Variants in HMGXB4 observed in about 807,000 individuals in gnomAD.
The protein encoded by HMGXB4 is HMG-box containing 4, also known as HMG domain-containing protein 4.
Under a neutral mutation model 63.9 loss-of-function variants are expected in HMGXB4, and 27 were observed. The observed-to-expected ratio is 0.42, with a 90% confidence interval of 0.31 to 0.58. HMGXB4 has a LOEUF of 0.58. HMGXB4 is among the 20% of genes least tolerant of loss of function. HMGXB4 has a pLI of 0.13. For missense variants in HMGXB4, 624 were observed against 700.7 expected (o/e 0.89, Z 1.24); for synonymous variants, 264 against 265.3 (o/e 0.99, Z 0.05).
At chr22:35,264,464 ACT>A (rs1364089616) in intron 4 of HMGXB4, among the ~76,000 whole-genome samples, 182 bp from the exon 5 acceptor site, 4 of 152,072 alleles carry the variant, frequency 2.6e-5, no homozygotes, top group Non-Finnish European at 5.9e-5. Flanking sequence ...TCAGAGGCAG[ACT>A]CTACCAAGCC....
At chr22:35,279,861 C>T (rs557454885) in intron 5 of HMGXB4, among the ~76,000 whole-genome samples, 16 of 152,068 alleles carry the variant, frequency 1.1e-4, no homozygotes, top group African/African-American at 3.4e-4. Flanking sequence ...TGTATTCTTT[C>T]GCTAATGCCA....
chr22:35,286,646 C>G (rs1007611086), intron 7 of HMGXB4, among the ~76,000 whole-genome samples: 4 of 151,978 alleles, frequency 2.6e-5, no homozygotes, highest in African/African-American at 9.7e-5. Flanking sequence ...GTCAGGAGTT[C>G]GAGACAAGCC....
chr22:35,287,060 G>T, intron 7 of HMGXB4: 1 of 313,888 alleles, frequency 3.2e-6, no homozygotes, highest in Non-Finnish European at 6.1e-6. Flanking sequence ...TATTGAGCCA[G>T]AGGTTTAATC....
chr22:35,245,728 A>G, the HMGXB4 span, among the ~76,000 whole-genome samples: 325 of 152,270 alleles, frequency 2.1e-3, 1 homozygote, highest in Non-Finnish European at 3.4e-3. Context: ...TTGCCGCCTC[A>G]TTACTGCTAG....
At chr22:35,263,708 C>A (rs1250888421) in intron 3 of HMGXB4, 88 bp from the exon 4 acceptor site, 2 of 913,064 alleles carry the variant, frequency 2.2e-6, no homozygotes, top group East Asian at 2.5e-5. Context: ...CTTTGTTTCC[C>A]AAAATCAAAA....
chr22:35,277,322 G>A (rs1923971148), intron 5 of HMGXB4, among the ~76,000 whole-genome samples: 2 of 152,118 alleles, frequency 1.3e-5, no homozygotes, highest in South Asian at 2.1e-4. Context: ...ATGTTGGTTC[G>A]ATGCAAGGGT....
intron 5 of HMGXB4, among the ~76,000 whole-genome samples, chr22:35,271,580 A>G (rs1923606858): frequency 6.6e-6 from 1 of 152,088 alleles, no homozygotes; most frequent in African/African-American, 2.4e-5. Context: ...TTACAGAACA[A>G]CTCCATCTCT....
chr22:35,243,086 T>C, the HMGXB4 span, among the ~76,000 whole-genome samples: 1 of 152,158 alleles, frequency 6.6e-6, no homozygotes, highest in Non-Finnish European at 1.5e-5. Flanking sequence ...AAAGAATGTA[T>C]GGGGCCAGGC....
intron 1 of HMGXB4, among the ~76,000 whole-genome samples, chr22:35,259,351 A>T (rs1922689454): frequency 6.6e-6 from 1 of 152,228 alleles, no homozygotes. Flanking sequence ...AAACTCCCAA[A>T]TTATTGAATT....
chr22:35,246,490 G>A, the HMGXB4 span, among the ~76,000 whole-genome samples: 2 of 152,156 alleles, frequency 1.3e-5, no homozygotes, highest in Non-Finnish European at 2.9e-5. Flanking sequence ...AGCCAGGATG[G>A]TCTCAATGTC....
chr22:35,248,788 A>G, the HMGXB4 span, among the ~76,000 whole-genome samples: 2 of 102,546 alleles, frequency 2.0e-5, no homozygotes, highest in Non-Finnish European at 5.1e-5. Flanking sequence ...GTGCTAAACC[A>G]CTCATGAAGG....
chr22:35,246,343 C>T, the HMGXB4 span, among the ~76,000 whole-genome samples: 5 of 152,054 alleles, frequency 3.3e-5, no homozygotes, highest in African/African-American at 9.7e-5. Flanking sequence ...GGCACGATCT[C>T]GGCTCACTGC....
intron 2 of HMGXB4, 125 bp from the exon 3 acceptor site, chr22:35,262,953 T>C: frequency 1.1e-6 from 1 of 891,242 alleles, no homozygotes; most frequent in Non-Finnish European, 1.8e-6. Context: ...TGTATTTCAG[T>C]GGACTTGATT....
At chr22:35,248,328 C>T in the HMGXB4 span, among the ~76,000 whole-genome samples, 1 of 151,758 alleles carries the variant, frequency 6.6e-6, no homozygotes, top group African/African-American at 2.4e-5. Flanking sequence ...CTGGTGTGCC[C>T]TCAGGAAGTG....
the HMGXB4 span, among the ~76,000 whole-genome samples, chr22:35,252,328 T>G: frequency 6.6e-6 from 1 of 152,244 alleles, no homozygotes; most frequent in Non-Finnish European, 1.5e-5. Flanking sequence ...AACATATGCA[T>G]CTTGCATAAC....
At chr22:35,270,199 A>C (rs1923521960) in intron 5 of HMGXB4, among the ~76,000 whole-genome samples, 1 of 151,944 alleles carries the variant, frequency 6.6e-6, no homozygotes, top group South Asian at 2.1e-4. Context: ...ATTTACAGCC[A>C]CTCCCTGTCG....
intron 6 of HMGXB4, among the ~76,000 whole-genome samples, chr22:35,284,296 A>G (rs571796966): frequency 6.6e-6 from 1 of 152,370 alleles, no homozygotes; most frequent in East Asian, 1.9e-4. Flanking sequence ...ATGCACAAAA[A>G]TATACAATTG....
intron 5 of HMGXB4, among the ~76,000 whole-genome samples, chr22:35,275,583 C>G (rs1923863670): frequency 6.6e-6 from 1 of 152,084 alleles, no homozygotes; most frequent in Non-Finnish European, 1.5e-5. Flanking sequence ...AGAGCATTAA[C>G]AAGTTGCATT....
chr22:35,262,766 T>A, intron 2 of HMGXB4: 1 of 515,310 alleles, frequency 1.9e-6, no homozygotes, highest in Non-Finnish European at 3.4e-6. Flanking sequence ...TGAATCCTTA[T>A]TCTTTTCAGC....
Sources: gnomAD v4.1 joint callset for allele counts (sites outside exome capture counted in the v4.1 genomes callset) on GRCh38, gnomAD v4.1.1 for gene constraint, MANE v1.5 for transcripts, NCBI Gene and HGNC (gene_info 2026-07-23, HGNC 2026-07-21) for gene names.